SORCS2: variants seen among roughly 807,000 people sequenced by gnomAD.
SORCS2 encodes the protein VPS10 domain-containing receptor SorCS2.
In SORCS2, 100 loss-of-function variants were observed where a neutral mutation model predicts 141.6. The ratio of observed to expected loss-of-function variants is 0.71; its 90% CI spans 0.60 to 0.83. The LOEUF (loss-of-function observed/expected upper bound fraction) is 0.83, where lower values mean the gene tolerates loss of function less well. SORCS2 is among the 40% of genes least tolerant of loss of function. The pLI, the probability that SORCS2 is intolerant of heterozygous loss-of-function variation, is 0.00. For missense variants in SORCS2, 1,646 were observed against 1,560.2 expected, an observed-to-expected ratio of 1.05 and a Z score of -0.93; for synonymous variants, 789 against 676.9, an observed-to-expected ratio of 1.17 and a Z score of -2.57.
At chr4:7,740,140 T>G (rs1712541920) in intron 26 of SORCS2, 60 bp from the exon 27 acceptor site, 5 of 1,452,844 alleles carry the variant, frequency 3.4e-6, no homozygotes, top group Non-Finnish European at 4.7e-6. Context: ...GTGTCCCCTG[T>G]GGCCCTGTCT....
chr4:7,523,091 C>A (rs1422618234), intron 2 of SORCS2, among the ~76,000 whole-genome samples: 1 of 149,766 alleles, frequency 6.7e-6, no homozygotes, highest in African/African-American at 2.5e-5. Context: ...TCCCATTTCC[C>A]TCCTCCCTCT....
At chr4:7,501,975 C>T (rs1732002503) in intron 2 of SORCS2, among the ~76,000 whole-genome samples, 2 of 152,210 alleles carry the variant, frequency 1.3e-5, no homozygotes, top group African/African-American at 2.4e-5. Context: ...GGCGCACTCC[C>T]GGCTTCTGTG....
At chr4:7,362,338 A>T (rs1424027371) in intron 1 of SORCS2, among the ~76,000 whole-genome samples, 2 of 152,118 alleles carry the variant, frequency 1.3e-5, no homozygotes, top group African/African-American at 4.8e-5. Context: ...TCCACGCCGC[A>T]TCCTACCTCA....
At chr4:7,623,798 G>A (rs1268821922) in intron 3 of SORCS2, among the ~76,000 whole-genome samples, 4 of 152,182 alleles carry the variant, frequency 2.6e-5, no homozygotes, top group Non-Finnish European at 5.9e-5. Flanking sequence ...TAGACTGTGT[G>A]CTCCATGGAG....
intron 2 of SORCS2, among the ~76,000 whole-genome samples, chr4:7,448,602 ATCCCTTCC>A (rs1423410656): frequency 4.8e-5 from 1 of 20,652 alleles, no homozygotes; most frequent in Admixed American, 6.8e-4. Flanking sequence ...CTCTTCCTCT[ATCCCTTCC>A]TTCCTTCCTT....
intron 1 of SORCS2, among the ~76,000 whole-genome samples, chr4:7,314,438 C>T (rs1718422184): frequency 6.6e-6 from 1 of 150,978 alleles, no homozygotes; most frequent in Non-Finnish European, 1.5e-5. Flanking sequence ...CTCCTGGGTT[C>T]ACGCCATTCT....
intron 1 of SORCS2, among the ~76,000 whole-genome samples, chr4:7,248,569 G>A (rs1298353657): frequency 6.6e-6 from 1 of 152,256 alleles, no homozygotes; most frequent in African/African-American, 2.4e-5. Flanking sequence ...CTGTCATCGT[G>A]TGTGACCCTG....
chr4:7,338,914 G>A (rs947818750), intron 1 of SORCS2, among the ~76,000 whole-genome samples: 4 of 152,150 alleles, frequency 2.6e-5, no homozygotes, highest in South Asian at 2.1e-4. Flanking sequence ...TGCTGGGGCC[G>A]TGAAGCCATA....
At chr4:7,636,968 T>G (rs1720297833) in intron 3 of SORCS2, among the ~76,000 whole-genome samples, 1 of 152,088 alleles carries the variant, frequency 6.6e-6, no homozygotes, top group Non-Finnish European at 1.5e-5. Flanking sequence ...CAGCAATTCA[T>G]GGCCGTGGTG....
Position 7,663,665 on chromosome 4 carries a change from C to T in SORCS2, c.953-688C>T, listed in dbSNP as rs2108922505. Among the ~76,000 whole-genome samples, 1 of 152,286 alleles carries T rather than the reference C, an allele frequency of 6.6e-6. No individual in the cohort carries two copies. The highest frequency in any genetic ancestry group is 1.9e-4 in the East Asian group (1 of 5,176). On this transcript the variant is annotated intron_variant, in intron 6 of 26. Coordinates refer to ENST00000507866, the MANE Select transcript of SORCS2 (RefSeq NM_020777.3). This position sits in a 1 kb window ranked among gnomAD's most constrained non-coding sequence, Gnocchi z 4.8. The stretch of plus-strand genomic sequence containing the variant: ...GCTTTTCTGGTTTCTAAACGTCTTC[C>T]CTTAACCATTCTCCATGCTGCCGGG...
intron 1 of SORCS2, among the ~76,000 whole-genome samples, chr4:7,282,492 C>T (rs1285560820): frequency 1.3e-5 from 2 of 152,108 alleles, no homozygotes; most frequent in Admixed American, 6.5e-5. Flanking sequence ...GTGTTTTGTG[C>T]CATATGCTGT....
chr4:7,217,633 G>A (rs1000797692), intron 1 of SORCS2, among the ~76,000 whole-genome samples: 9 of 152,082 alleles, frequency 5.9e-5, no homozygotes, highest in African/African-American at 2.2e-4. Context: ...AGAGTGGTGC[G>A]GCCGCCACAC....
chr4:7,556,736 A>G (rs1714137014), intron 3 of SORCS2, among the ~76,000 whole-genome samples: 1 of 146,874 alleles, frequency 6.8e-6, no homozygotes. Flanking sequence ...CCCACCATCC[A>G]TGTGTCCACC....
At chr4:7,553,122 T>TAGCA (rs1295929919) in intron 3 of SORCS2, among the ~76,000 whole-genome samples, 1 of 152,028 alleles carries the variant, frequency 6.6e-6, no homozygotes. Flanking sequence ...GATGGCTGGG[T>TAGCA]AGCAGTATGA....
intron 1 of SORCS2, among the ~76,000 whole-genome samples, chr4:7,219,055 G>A (rs1728543486): frequency 6.6e-6 from 1 of 152,108 alleles, no homozygotes; most frequent in African/African-American, 2.4e-5. Context: ...ATGCACAGCT[G>A]GCTCCTACTC....
chr4:7,724,591 T>TGGTGATGGTGGTGATGGTGGTGGTGAGGA (rs1560114218), intron 19 of SORCS2, among the ~76,000 whole-genome samples: 1 of 23,786 alleles, frequency 4.2e-5, no homozygotes, highest in Admixed American at 4.2e-4. Context: ...GGTGGTGGTG[T>TGGTGATGGTGGTGATGGTGGTGGTGAGGA]TGGTGATGGT....
intron 4 of SORCS2, among the ~76,000 whole-genome samples, chr4:7,645,210 AAGGGTGCCTGGCCTG>A (rs1720993858): frequency 6.6e-6 from 1 of 152,116 alleles, no homozygotes; most frequent in African/African-American, 2.4e-5. Context: ...CATGAGATAG[AAGGGTGCCTGGCCTG>A]AGTCACTCGG....
chr4:7,459,548 C>T (rs1002492562), intron 2 of SORCS2, among the ~76,000 whole-genome samples: 3 of 152,182 alleles, frequency 2.0e-5, no homozygotes, highest in African/African-American at 7.2e-5. Context: ...GTTAGTGAAG[C>T]CCATGATGAT....
At chr4:7,570,591 C>T (rs1017856610) in intron 3 of SORCS2, among the ~76,000 whole-genome samples, 7 of 152,220 alleles carry the variant, frequency 4.6e-5, no homozygotes, top group Admixed American at 3.3e-4. Flanking sequence ...GCATAGAGGG[C>T]GGTGCCCATG....
Sources: gnomAD v4.1 joint callset for allele counts (sites outside exome capture counted in the v4.1 genomes callset) on GRCh38, gnomAD v4.1.1 for gene constraint, Gnocchi (gnomAD v3.1) non-coding constraint, MANE v1.5 for transcripts, NCBI Gene and HGNC (gene_info 2026-07-23, HGNC 2026-07-21) for gene names.